CLEC2A: variants seen among roughly 807,000 people sequenced by gnomAD.
CLEC2A encodes C-type lectin domain family 2 member A, also known as keratinocyte-associated C-type lectin.
In CLEC2A, 19 loss-of-function variants were observed where a neutral mutation model predicts 18.6. The observed-to-expected ratio is 1.02, with a 90% CI of 0.71 to 1.50. The LOEUF (loss-of-function observed/expected upper bound fraction) is 1.50. CLEC2A is among the 40% of genes most tolerant of loss of function. The pLI is 0.00. For missense variants in CLEC2A, 190 were observed against 207.9 expected (o/e 0.91, Z 0.53); for synonymous variants, 74 against 64.0 (o/e 1.16, Z -0.75).
chr12:9,909,330 C>T (rs186410137), downstream of CLEC2A, among the ~76,000 whole-genome samples: 2 of 152,292 alleles, frequency 1.3e-5, no homozygotes, highest in East Asian at 3.9e-4. Flanking sequence ...GGATCTTGGG[C>T]ACGGAATTCC....
the CLEC2A span, among the ~76,000 whole-genome samples, chr12:9,888,054 C>CAAAA: frequency 1.5e-5 from 1 of 65,528 alleles, no homozygotes; most frequent in African/African-American, 7.3e-5. Context: ...GACCCTGTGT[C>CAAAA]AAAAAAAAAA....
chr12:9,894,422 A>G (rs550066728), downstream of CLEC2A, among the ~76,000 whole-genome samples: 5 of 152,038 alleles, frequency 3.3e-5, no homozygotes, highest in East Asian at 1.9e-4. Flanking sequence ...AGCTCAAACT[A>G]TCACCCACCT....
chr12:9,927,792 A>C (rs896360060), intron 1 of CLEC2A, among the ~76,000 whole-genome samples: 4 of 152,170 alleles, frequency 2.6e-5, no homozygotes, highest in African/African-American at 7.2e-5. Context: ...TTTATCTTAC[A>C]TCTAGAGAAA....
chr12:9,892,933 A>T, the CLEC2A span: 2 of 1,154,356 alleles, frequency 1.7e-6, no homozygotes. Flanking sequence ...GGAAAAATCT[A>T]TTTTCCAAGT....
chr12:9,894,774 G>A (rs564251363), downstream of CLEC2A, among the ~76,000 whole-genome samples: 1 of 152,014 alleles, frequency 6.6e-6, no homozygotes, highest in African/African-American at 2.4e-5. Context: ...AAAACTAAAG[G>A]ATGAAGTAGT....
At chr12:9,879,871 T>C in the CLEC2A span, among the ~76,000 whole-genome samples, 1 of 152,230 alleles carries the variant, frequency 6.6e-6, no homozygotes, top group African/African-American at 2.4e-5. Flanking sequence ...AGGCAAGGCC[T>C]GAACAGTTCC....
chr12:9,910,338 G>A (rs1310659284), downstream of CLEC2A, among the ~76,000 whole-genome samples: 1 of 152,080 alleles, frequency 6.6e-6, no homozygotes, highest in Admixed American at 6.5e-5. Context: ...TTGGAGGTTT[G>A]GTATGGTGTC....
Position 9,922,332 on chromosome 12 carries a change from G to C in CLEC2A, c.140-100C>G, listed in dbSNP as rs188317386. 1.8e-4 allele frequency: 175 copies of C among 971,814 alleles called. No individual in the cohort carries two copies. In the African/African-American group the frequency reaches 2.7e-3, roughly 15 times the overall value. 60.2% of individuals were successfully genotyped at this position (971,814 alleles called of 1,614,324 possible). ...TTTACTTTTTGCTTCCACAGTTTGA[G>C]GCCCGTAAGTTAGCTTCCCCCCTCC... On this transcript the variant is annotated intron_variant, in intron 2 of 4. Coordinates refer to ENST00000455827, the MANE Select transcript of CLEC2A (RefSeq NM_001130711.2).
At chr12:9,884,926 C>G in the CLEC2A span, 1 of 981,656 alleles carries the variant, frequency 1.0e-6, no homozygotes, top group Non-Finnish European at 1.4e-6. Context: ...TAAAATTCAA[C>G]ATTTCAGATT....
intron 4 of CLEC2A, among the ~76,000 whole-genome samples, chr12:9,903,866 A>G (rs996652830): frequency 2.0e-5 from 3 of 152,230 alleles, no homozygotes; most frequent in African/African-American, 7.2e-5. Flanking sequence ...CTATATAAAC[A>G]TGAGGGTCAA....
intron 4 of CLEC2A, among the ~76,000 whole-genome samples, chr12:9,899,154 G>A (rs1016281445): frequency 1.3e-5 from 2 of 151,982 alleles, no homozygotes; most frequent in Non-Finnish European, 2.9e-5. Context: ...TTGCAGGCAT[G>A]TTGGGCTCCT....
chr12:9,892,919 A>G, the CLEC2A span: 2 of 941,260 alleles, frequency 2.1e-6, no homozygotes, highest in South Asian at 1.9e-5. Flanking sequence ...AAAAAAAATG[A>G]GTTGGAAAAA....
At chr12:9,906,102 C>T (rs867690940) in intron 4 of CLEC2A, among the ~76,000 whole-genome samples, 1 of 148,912 alleles carries the variant, frequency 6.7e-6, no homozygotes, top group African/African-American at 2.5e-5. Flanking sequence ...CACCCATAAA[C>T]TGCTGTGTCA....
chr12:9,878,190 C>T, the CLEC2A span, among the ~76,000 whole-genome samples: 3 of 152,106 alleles, frequency 2.0e-5, no homozygotes, highest in East Asian at 1.9e-4. Context: ...ATTTCAGAAG[C>T]GTAGAAGTTG....
At chr12:9,918,307 C>G (rs1279275906) in intron 3 of CLEC2A, among the ~76,000 whole-genome samples, 1 of 152,054 alleles carries the variant, frequency 6.6e-6, no homozygotes, top group Non-Finnish European at 1.5e-5. Context: ...TGCTTCAATC[C>G]TTTGCATATG....
At chr12:9,915,785 G>A (rs771743404) in intron 4 of CLEC2A, among the ~76,000 whole-genome samples, 20 of 152,184 alleles carry the variant, frequency 1.3e-4, no homozygotes, top group South Asian at 8.3e-4. Context: ...GGATTGGTAG[G>A]TGCAACAATC....
intron 4 of CLEC2A, chr12:9,899,017 A>T (rs1414247179): frequency 1.4e-6 from 1 of 701,674 alleles, no homozygotes. Context: ...TAGAAAACAT[A>T]TATCAAAACG....
the CLEC2A span, among the ~76,000 whole-genome samples, chr12:9,883,782 CTAAG>C: frequency 6.6e-6 from 1 of 152,126 alleles, no homozygotes; most frequent in Non-Finnish European, 1.5e-5. Context: ...AGTAAATTCT[CTAAG>C]TATATACTAT....
intron 2 of CLEC2A, among the ~76,000 whole-genome samples, chr12:9,925,015 G>C (rs1044366315): frequency 5.3e-5 from 8 of 152,064 alleles, no homozygotes; most frequent in Non-Finnish European, 1.0e-4. Context: ...TTATCTTTCC[G>C]GTCACTTTTC....
Sources: allele counts gnomAD v4.1 joint callset (sites outside exome capture counted in the v4.1 genomes callset), GRCh38; gene constraint gnomAD v4.1.1; transcripts MANE v1.5; gene names NCBI Gene and HGNC (gene_info 2026-07-23, HGNC 2026-07-21).